The following KCNIP4 variants were observed in gnomAD, a reference collection of about 807,000 sequenced individuals.
The protein encoded by KCNIP4 is Kv channel-interacting protein 4.
Under a neutral mutation model 34.0 loss-of-function variants are expected in KCNIP4, and 12 were observed. The observed-to-expected ratio is 0.35, with a 90% confidence interval of 0.23 to 0.57. The LOEUF (loss-of-function observed/expected upper bound fraction) is 0.57. Among genes scored for constraint, KCNIP4 ranks in the 20% least tolerant of loss-of-function variants. The pLI is 0.83. For missense variants in KCNIP4, 238 were observed against 311.7 expected (o/e 0.76, Z 1.78); for synonymous variants, 124 against 102.2 (o/e 1.21, Z -1.29).
chr4:21,879,476 A>G (rs1453824943), intron 1 of KCNIP4, among the ~76,000 whole-genome samples: 1 of 152,240 alleles, frequency 6.6e-6, no homozygotes, highest in African/African-American at 2.4e-5. Flanking sequence ...TGTTGGCTGA[A>G]GAGTTCCCTG....
At chr4:20,989,603 C>T (rs942820492) in intron 1 of KCNIP4, among the ~76,000 whole-genome samples, 3 of 152,148 alleles carry the variant, frequency 2.0e-5, no homozygotes, top group East Asian at 3.9e-4. Context: ...AAGAGAGAAA[C>T]CTAATCTAGG....
chr4:21,357,071 T>G (rs1487979847), intron 1 of KCNIP4, among the ~76,000 whole-genome samples: 1 of 152,156 alleles, frequency 6.6e-6, no homozygotes, highest in East Asian at 1.9e-4. Flanking sequence ...GGGTAAAGGA[T>G]TCTCTATTTA....
chr4:20,799,686 C>T (rs1333251034), intron 3 of KCNIP4, among the ~76,000 whole-genome samples: 1 of 152,152 alleles, frequency 6.6e-6, no homozygotes, highest in Admixed American at 6.5e-5. Flanking sequence ...GCTCACAGAG[C>T]CTGGGCTTCT....
intron 1 of KCNIP4, among the ~76,000 whole-genome samples, chr4:21,753,754 A>T (rs1338108538): frequency 6.6e-6 from 1 of 152,102 alleles, no homozygotes; most frequent in Non-Finnish European, 1.5e-5. Context: ...TGTCAAGAAA[A>T]CTTTTTATTG....
At chr4:20,927,129 T>A (rs943478949) in intron 1 of KCNIP4, among the ~76,000 whole-genome samples, 1 of 151,982 alleles carries the variant, frequency 6.6e-6, no homozygotes, top group Non-Finnish European at 1.5e-5. Flanking sequence ...CAGGTCCATG[T>A]CACCACACCT....
chr4:20,948,207 G>T (rs1194440216), intron 1 of KCNIP4, among the ~76,000 whole-genome samples: 3 of 152,146 alleles, frequency 2.0e-5, no homozygotes, highest in Non-Finnish European at 4.4e-5. Flanking sequence ...GGTTAAATCT[G>T]AACTTATCTA....
At chr4:21,878,272 C>T (rs1215619383) in intron 1 of KCNIP4, among the ~76,000 whole-genome samples, 1 of 152,136 alleles carries the variant, frequency 6.6e-6, no homozygotes, top group Non-Finnish European at 1.5e-5. Context: ...GACAGAGTTT[C>T]ACCATGTTGG....
intron 1 of KCNIP4, among the ~76,000 whole-genome samples, chr4:21,261,293 C>T (rs1245674200): frequency 6.6e-6 from 1 of 152,092 alleles, no homozygotes; most frequent in African/African-American, 2.4e-5. Flanking sequence ...TAAAATATGA[C>T]TCATTGCTGG....
chr4:21,157,713 T>A (rs550045438), intron 1 of KCNIP4, among the ~76,000 whole-genome samples: 1 of 152,264 alleles, frequency 6.6e-6, no homozygotes, highest in East Asian at 1.9e-4. Flanking sequence ...AATATCTATG[T>A]TCGATAGCAA....
At chr4:21,552,689 T>C (rs1738677619) in intron 1 of KCNIP4, among the ~76,000 whole-genome samples, 1 of 152,114 alleles carries the variant, frequency 6.6e-6, no homozygotes, top group African/African-American at 2.4e-5. Context: ...TATCTGTACT[T>C]GTCACAGCAA....
chr4:21,304,087 C>CAGAG (rs145509516), intron 1 of KCNIP4: 75 of 127,908 alleles, frequency 5.9e-4, no homozygotes, highest in African/African-American at 3.1e-3. Flanking sequence ...GAGAGAGAGA[C>CAGAG]AGAGAGAGAG....
chr4:21,406,988 A>G (rs776087338), intron 1 of KCNIP4, among the ~76,000 whole-genome samples: 1 of 152,196 alleles, frequency 6.6e-6, no homozygotes, highest in Non-Finnish European at 1.5e-5. Context: ...TTGGAAATGT[A>G]TATAACTTAG....
In KCNIP4 at chr4:21,837,044, A is replaced by G. The variant is rs544817992; in HGVS notation, c.61+111527T>C. On this transcript the variant is annotated intron_variant, in intron 1 of 8. Transcript: ENST00000382152. ...TCCATTCTCCTGCCTCAGCCTCCCA[A>G]ATAGCTGGGACTACAGGGGCCCGCC... 3.3e-5 allele frequency among the ~76,000 whole-genome samples: 5 copies of G among 151,034 alleles called. No individual in the cohort carries two copies. In the South Asian group the frequency reaches 8.4e-4, roughly 25 times the overall value.
intron 1 of KCNIP4, among the ~76,000 whole-genome samples, chr4:21,881,045 G>C (rs1056895584): frequency 1.3e-5 from 2 of 152,120 alleles, no homozygotes; most frequent in African/African-American, 4.8e-5. Flanking sequence ...TGTAATTGTT[G>C]TTGGAGTATA....
intron 1 of KCNIP4, among the ~76,000 whole-genome samples, chr4:21,691,154 T>C (rs557747384): frequency 1.7e-4 from 26 of 152,318 alleles, no homozygotes; most frequent in Middle Eastern, 3.4e-3. Context: ...TCAATACTGC[T>C]ATGAACATAT....
At chr4:21,524,019 T>G (rs1735764892) in intron 1 of KCNIP4, among the ~76,000 whole-genome samples, 1 of 152,126 alleles carries the variant, frequency 6.6e-6, no homozygotes, top group South Asian at 2.1e-4. Context: ...TTGCCAACAT[T>G]TTTTCCATCC....
chr4:21,320,302 T>C (rs528258430), intron 1 of KCNIP4, among the ~76,000 whole-genome samples: 48 of 152,312 alleles, frequency 3.2e-4, no homozygotes, highest in African/African-American at 1.1e-3. Flanking sequence ...TGTGATTGAA[T>C]GGTTTACCAA....
chr4:21,399,770 C>T (rs1159015896), intron 1 of KCNIP4, among the ~76,000 whole-genome samples: 2 of 152,048 alleles, frequency 1.3e-5, no homozygotes, highest in Non-Finnish European at 2.9e-5. Flanking sequence ...AATTCTCCTG[C>T]CTCAGCCTCC....
At chr4:21,784,083 T>C (rs1416430805) in intron 1 of KCNIP4, among the ~76,000 whole-genome samples, 1 of 150,542 alleles carries the variant, frequency 6.6e-6, no homozygotes, top group Non-Finnish European at 1.5e-5. Flanking sequence ...CTCAGGAAAC[T>C]TACAATCATG....
Sources: gnomAD v4.1 joint callset for allele counts (sites outside exome capture counted in the v4.1 genomes callset) on GRCh38, gnomAD v4.1.1 for gene constraint, MANE v1.5 for transcripts, NCBI Gene and HGNC (gene_info 2026-07-23, HGNC 2026-07-21) for gene names.